The following LRBA variants were observed in gnomAD, a reference collection of about 807,000 sequenced individuals.
The protein encoded by LRBA is lipopolysaccharide-responsive and beige-like anchor protein.
In LRBA, 176 loss-of-function variants were observed where a neutral mutation model predicts 330.0. The ratio of observed to expected loss-of-function variants is 0.53; its 90% CI spans 0.47 to 0.60. LRBA has a LOEUF of 0.60. Among genes scored for constraint, LRBA ranks in the 20% least tolerant of loss-of-function variants. LRBA has a pLI of 0.00. For synonymous variants in LRBA, 1,230 were observed against 1,193.0 expected (o/e 1.03, Z -0.64); for missense variants, 3,259 against 3,444.8 (o/e 0.95, Z 1.35).
At chr4:151,004,758 G>T (rs572647100) in intron 2 of LRBA, among the ~76,000 whole-genome samples, 126 of 152,236 alleles carry the variant, frequency 8.3e-4, no homozygotes, top group Admixed American at 1.2e-3. Flanking sequence ...GGCCGAGGCA[G>T]GTGGATTGCC....
chr4:150,304,506 TC>T (rs1344532115), intron 52 of LRBA, among the ~76,000 whole-genome samples: 1 of 151,994 alleles, frequency 6.6e-6, no homozygotes, highest in Admixed American at 6.6e-5. Flanking sequence ...GTACTTTTTT[TC>T]TCCTGTGATT....
chr4:150,473,374 G>A (rs1189306985), intron 42 of LRBA, among the ~76,000 whole-genome samples: 1 of 152,132 alleles, frequency 6.6e-6, no homozygotes, highest in East Asian at 1.9e-4. Flanking sequence ...GTGTCAGCTT[G>A]ACTGGATTAA....
rs111534411 is a variant in LRBA at position 150,483,495 on chromosome 4, C to T, written c.6551+4237G>A. On this transcript the variant is annotated intron_variant, in intron 42 of 56. Transcript: ENST00000651943. The stretch of plus-strand genomic sequence containing the variant: ...ATCAGCTTGTCTATTTCTCTTTTTT[C>T]CTTTTTTTAAGTTAAAAAAATAGAG... Among the ~76,000 whole-genome samples the T allele has an allele frequency of 1.4e-4, 13 of 92,734 alleles. No individual in the cohort carries two copies. In the East Asian group the frequency reaches 3.6e-3, roughly 25 times the overall value. 60.8% of individuals were successfully genotyped at this position (92,734 alleles called of 152,430 possible). A position where few individuals can be genotyped will look rare whatever the true frequency, so the allele number is the denominator to read the frequency against.
chr4:150,609,201 C>G (rs555809253), intron 37 of LRBA, among the ~76,000 whole-genome samples: 1 of 152,154 alleles, frequency 6.6e-6, no homozygotes, highest in African/African-American at 2.4e-5. Flanking sequence ...ATGATAAATC[C>G]GGTCATTCTC....
chr4:150,291,175 C>T (rs903058448), intron 53 of LRBA, among the ~76,000 whole-genome samples: 112 of 146,902 alleles, frequency 7.6e-4, no homozygotes, highest in African/African-American at 2.4e-3. Context: ...TCTCATTGTT[C>T]AATTAAACAC....
intron 26 of LRBA, among the ~76,000 whole-genome samples, chr4:150,845,530 A>G (rs1335483384): frequency 6.6e-6 from 1 of 152,204 alleles, no homozygotes; most frequent in Non-Finnish European, 1.5e-5. Context: ...CCATGTAATC[A>G]TCTAAATTCC....
At chr4:150,479,831 G>A (rs994837637) in intron 42 of LRBA, among the ~76,000 whole-genome samples, 8 of 152,176 alleles carry the variant, frequency 5.3e-5, no homozygotes, top group African/African-American at 7.2e-5. Flanking sequence ...AAACTGACTC[G>A]GTAAGGAACT....
At chr4:150,803,075 A>AAATAT (rs1553964881) in intron 33 of LRBA, among the ~76,000 whole-genome samples, 4 of 129,884 alleles carry the variant, frequency 3.1e-5, no homozygotes, top group African/African-American at 5.9e-5. Flanking sequence ...ACAAAAAAAA[A>AAATAT]ATATATATAC....
intron 53 of LRBA, among the ~76,000 whole-genome samples, chr4:150,286,695 G>C (rs1027224033): frequency 1.3e-5 from 2 of 152,192 alleles, no homozygotes; most frequent in Non-Finnish European, 2.9e-5. Context: ...GCGGTGGGTA[G>C]AGAAGGGGGG....
chr4:150,782,061 C>T (rs928214140), intron 34 of LRBA, among the ~76,000 whole-genome samples: 4 of 152,090 alleles, frequency 2.6e-5, no homozygotes, highest in African/African-American at 7.2e-5. Flanking sequence ...TGCACACCAT[C>T]GTGCCCAGCT....
intron 34 of LRBA, among the ~76,000 whole-genome samples, chr4:150,775,487 AC>A (rs1560800170): frequency 0.041 from 5,334 of 131,500 alleles, 159 homozygotes; most frequent in African/African-American, 0.086. Flanking sequence ...ACACACACAC[AC>A]ACACACACAC....
At chr4:150,510,828 T>G (rs1407775016) in intron 40 of LRBA, among the ~76,000 whole-genome samples, 1 of 151,980 alleles carries the variant, frequency 6.6e-6, no homozygotes, top group African/African-American at 2.4e-5. Context: ...ACTCTCAAAT[T>G]CTTTTATTTT....
intron 47 of LRBA, among the ~76,000 whole-genome samples, chr4:150,397,203 T>A (rs769368808): frequency 2.6e-5 from 4 of 152,214 alleles, no homozygotes; most frequent in Non-Finnish European, 5.9e-5. Flanking sequence ...TTTTTTCTGA[T>A]GAAAAGTGAA....
chr4:150,836,104 T>C (rs1317349057), intron 28 of LRBA, among the ~76,000 whole-genome samples: 1 of 152,194 alleles, frequency 6.6e-6, no homozygotes, highest in Non-Finnish European at 1.5e-5. Context: ...GGATTACGTT[T>C]ATTGATTTCC....
At chr4:150,679,256 C>G (rs1283541653) in intron 37 of LRBA, among the ~76,000 whole-genome samples, 1 of 152,140 alleles carries the variant, frequency 6.6e-6, no homozygotes. Context: ...TACATAAAAA[C>G]AAAGTGGGAT....
chr4:150,424,917 C>G (rs1228561754), intron 46 of LRBA, among the ~76,000 whole-genome samples: 3 of 152,146 alleles, frequency 2.0e-5, no homozygotes, highest in African/African-American at 2.4e-5. Context: ...ATGAATAAGT[C>G]GGTGATGAGA....
At chr4:150,302,894 T>C in intron 52 of LRBA, 102 bp from the exon 53 acceptor site, 1 of 735,586 alleles carries the variant, frequency 1.4e-6, no homozygotes, top group South Asian at 3.2e-5. Flanking sequence ...ACTCTGATGG[T>C]CATAATTCAG....
At chr4:150,615,114 A>G (rs1775644182) in intron 37 of LRBA, among the ~76,000 whole-genome samples, 1 of 152,280 alleles carries the variant, frequency 6.6e-6, no homozygotes, top group South Asian at 2.1e-4. Flanking sequence ...CAGGGAAAAC[A>G]GTAATGCAAA....
chr4:150,836,587 G>A (rs1748118474), intron 28 of LRBA, among the ~76,000 whole-genome samples: 1 of 152,160 alleles, frequency 6.6e-6, no homozygotes, highest in African/African-American at 2.4e-5. Context: ...TTGCATAGAG[G>A]TGTTTATAGT....
Sources: gnomAD v4.1 joint callset for allele counts (sites outside exome capture counted in the v4.1 genomes callset) on GRCh38, gnomAD v4.1.1 for gene constraint, MANE v1.5 for transcripts, NCBI Gene and HGNC (gene_info 2026-07-23, HGNC 2026-07-21) for gene names.